BCAS1: variants seen among roughly 807,000 people sequenced by gnomAD.
BCAS1 encodes the protein breast carcinoma-amplified sequence 1.
A neutral mutation model predicts 65.4 loss-of-function variants in BCAS1; 46 were observed. The ratio of observed to expected loss-of-function variants is 0.70; its 90% confidence interval spans 0.55 to 0.90. The LOEUF (loss-of-function observed/expected upper bound fraction) is 0.90, where lower values mean the gene tolerates loss of function less well. Among genes scored for constraint, BCAS1 ranks in the 40% least tolerant of loss-of-function variants. The pLI is 0.00. For synonymous variants in BCAS1, 298 were observed against 293.5 expected, an observed-to-expected ratio of 1.02 and a Z score of -0.16; for missense variants, 793 against 771.2, an observed-to-expected ratio of 1.03 and a Z score of -0.33.
intron 1 of BCAS1, among the ~76,000 whole-genome samples, chr20:54,059,048 TA>T (rs2092343948): frequency 6.6e-6 from 1 of 152,144 alleles, no homozygotes; most frequent in Non-Finnish European, 1.5e-5. Context: ...CAGATGCTTA[TA>T]AAACCATCAG....
intron 3 of BCAS1, 144 bp downstream of exon 3, chr20:54,057,941 T>C (rs1317455152): frequency 1.5e-6 from 1 of 659,914 alleles, no homozygotes. Context: ...CAGGGCATGG[T>C]AGCCCAAGGA....
At chr20:53,987,427 A>AT (rs1174756109) in intron 7 of BCAS1, among the ~76,000 whole-genome samples, 15 of 152,360 alleles carry the variant, frequency 9.8e-5, no homozygotes, top group African/African-American at 3.6e-4. Context: ...ACCTGGTGCT[A>AT]TTTTAGCTCT....
intron 4 of BCAS1, among the ~76,000 whole-genome samples, chr20:54,004,053 G>A (rs2091124740): frequency 6.6e-6 from 1 of 152,210 alleles, no homozygotes; most frequent in South Asian, 2.1e-4. Flanking sequence ...AATGTGTATT[G>A]TGGACTGAAA....
intron 9 of BCAS1, among the ~76,000 whole-genome samples, chr20:53,970,022 T>G (rs6022883): frequency 2.0e-5 from 3 of 152,148 alleles, no homozygotes; most frequent in African/African-American, 7.2e-5. Flanking sequence ...AAATAGAAAA[T>G]AGCTCTTAAG....
At chr20:53,949,290 T>C (rs1283166368) in intron 12 of BCAS1, among the ~76,000 whole-genome samples, 2 of 152,218 alleles carry the variant, frequency 1.3e-5, no homozygotes, top group African/African-American at 4.8e-5. Flanking sequence ...AGGAAAATGT[T>C]TTCAAACAGT....
At chr20:54,053,328 T>C (rs2092248831) in intron 3 of BCAS1, among the ~76,000 whole-genome samples, 2 of 152,242 alleles carry the variant, frequency 1.3e-5, no homozygotes, top group African/African-American at 4.8e-5. Context: ...CAAATTCCCA[T>C]GGTGGTTTGC....
chr20:54,055,758 C>T (rs2092288260), intron 3 of BCAS1, among the ~76,000 whole-genome samples: 1 of 152,062 alleles, frequency 6.6e-6, no homozygotes, highest in Admixed American at 6.5e-5. Flanking sequence ...CCTATGTGTC[C>T]ATCAGTGGAT....
intron 8 of BCAS1, among the ~76,000 whole-genome samples, chr20:53,981,745 C>A (rs1447157729): frequency 2.6e-5 from 4 of 151,630 alleles, no homozygotes; most frequent in African/African-American, 9.7e-5. Context: ...TTTGTCTCCC[C>A]CAAAGGAAAG....
At chr20:54,046,466 T>C (rs2146247667) in intron 3 of BCAS1, among the ~76,000 whole-genome samples, 1 of 145,752 alleles carries the variant, frequency 6.9e-6, no homozygotes, top group East Asian at 2.0e-4. Flanking sequence ...AAGGCAGAGG[T>C]TGCAGTGAGC....
chr20:54,000,916 G>A (rs1445856886), intron 4 of BCAS1, among the ~76,000 whole-genome samples: 1 of 151,616 alleles, frequency 6.6e-6, no homozygotes, highest in African/African-American at 2.4e-5. Flanking sequence ...TTATTTTTTT[G>A]CCAATTCTAA....
chr20:54,018,357 A>C (rs540708787), intron 4 of BCAS1, among the ~76,000 whole-genome samples: 1 of 152,026 alleles, frequency 6.6e-6, no homozygotes, highest in Non-Finnish European at 1.5e-5. Context: ...GGCACAAAGG[A>C]AATACTCATA....
intron 9 of BCAS1, among the ~76,000 whole-genome samples, chr20:53,969,581 A>T (rs1474622976): frequency 1.3e-5 from 2 of 152,312 alleles, no homozygotes; most frequent in South Asian, 4.1e-4. Context: ...CGGCAACTCA[A>T]TGTATCTAAT....
Position 53,943,694 on chromosome 20 carries a change from G to A in BCAS1, c.*1228C>T, listed in dbSNP as rs2089213872. On this transcript the variant is annotated 3_prime_UTR_variant, in exon 13 of 13. Coordinates refer to ENST00000688948, the MANE Select transcript of BCAS1 (RefSeq NM_001366298.2). ...GGTATTAAAAACAACTCAGGTATTT[G>A]AGAAGTCTTCTGTAAATTTTTATTA... 6.6e-6 allele frequency: 1 copy of A among 152,150 alleles called. No homozygotes were observed. The highest frequency in any genetic ancestry group is 2.1e-4 in the South Asian group (1 of 4,828). The allele number at this position is 152,150 out of a possible 1,614,324, so 9.4% of individuals were successfully genotyped here. A position where few individuals can be genotyped will look rare whatever the true frequency, so the allele number is the denominator to read the frequency against.
rs2089591749 is a variant in BCAS1 at position 53,953,421 on chromosome 20, A to T, written c.1815+11T>A. On this transcript the variant is annotated intron_variant, in intron 12 of 12. Transcript: ENST00000688948. ...GAGCCCAGAAAGAAGAGGCAAAAAAAATCCACCTACCAGGCCTTTAAAGAA... is the reference window on the plus strand; with the variant it reads ...GAGCCCAGAAAGAAGAGGCAAAAAATATCCACCTACCAGGCCTTTAAAGAA... 1.2e-6 allele frequency: 2 copies of T among 1,612,094 alleles called. No homozygotes were observed. Among genetic ancestry groups the T allele is most frequent in the East Asian group, 4.5e-5 (2 of 44,870 alleles).
intron 4 of BCAS1, among the ~76,000 whole-genome samples, chr20:54,020,060 T>C (rs1348438205): frequency 6.6e-6 from 1 of 152,196 alleles, no homozygotes; most frequent in Non-Finnish European, 1.5e-5. Context: ...CTAATACAAC[T>C]AACTTTAGAA....
intron 2 of BCAS1, among the ~76,000 whole-genome samples, chr20:54,058,395 T>A (rs1261690068): frequency 6.6e-6 from 1 of 152,052 alleles, no homozygotes; most frequent in South Asian, 2.1e-4. Context: ...GACCCCACAC[T>A]CACAGGAAGC....
intron 5 of BCAS1, 30 bp downstream of exon 5, chr20:53,995,862 T>C (rs779208220): frequency 6.4e-7 from 1 of 1,565,556 alleles, no homozygotes; most frequent in Non-Finnish European, 8.7e-7. Flanking sequence ...AGCAATAGAG[T>C]GGAGGGGAAA....
rs1333160311 is a variant in BCAS1, at chr20:54,032,836, A to G, written c.143-3864T>C. Among the ~76,000 whole-genome samples, 4 of 151,330 alleles carry G rather than the reference A, an allele frequency of 2.6e-5. 1 individual carries two copies. The highest frequency in any genetic ancestry group is 9.7e-5 in the African/African-American group (4 of 41,360). The stretch of plus-strand genomic sequence containing the variant: ...CCAGATTCATAAAGCAAGTTTATGG[A>G]GACCTTCAAACAGACTTAGACTCCC... On this transcript the variant is annotated intron_variant, in intron 3 of 12. Coordinates refer to ENST00000688948, the MANE Select transcript of BCAS1 (RefSeq NM_001366298.2).
At chr20:53,960,430 AG>A (rs1455256974) in intron 10 of BCAS1, among the ~76,000 whole-genome samples, 1 of 143,414 alleles carries the variant, frequency 7.0e-6, no homozygotes, top group African/African-American at 2.5e-5. Flanking sequence ...ACAGACCTCC[AG>A]GCTGTCAGGG....
Sources: allele counts gnomAD v4.1 joint callset (sites outside exome capture counted in the v4.1 genomes callset), GRCh38; gene constraint gnomAD v4.1.1; transcripts MANE v1.5; gene names NCBI Gene and HGNC (gene_info 2026-07-23, HGNC 2026-07-21).